The following ERO1A variants were observed in gnomAD, a reference collection of about 807,000 sequenced individuals.
ERO1A encodes endoplasmic reticulum oxidoreductase 1 alpha, also known as ERO1-like protein alpha.
Under a neutral mutation model 76.9 loss-of-function variants are expected in ERO1A, and 49 were observed. The ratio of observed to expected loss-of-function variants is 0.64; its 90% confidence interval spans 0.51 to 0.81. ERO1A has a LOEUF of 0.81. ERO1A is among the 30% of genes least tolerant of loss of function. The pLI is 0.00. For synonymous variants in ERO1A, 174 were observed against 181.2 expected (o/e 0.96, Z 0.32); for missense variants, 448 against 542.1 (o/e 0.83, Z 1.72).
At chr14:52,689,773 TA>T (rs1297724936) in intron 1 of ERO1A, among the ~76,000 whole-genome samples, 2 of 151,792 alleles carry the variant, frequency 1.3e-5, no homozygotes, top group African/African-American at 4.8e-5. Context: ...TTCACAAAAA[TA>T]GAAAAAAAAA....
chr14:52,681,809 A>AG (rs1216497806), intron 3 of ERO1A, among the ~76,000 whole-genome samples: 1 of 152,098 alleles, frequency 6.6e-6, no homozygotes. Context: ...CCGAAAAAAG[A>AG]GGGGGGGAAT....
Position 52,646,431 on chromosome 14 carries a change from A to G in ERO1A, c.1156T>C (p.Ser386Pro), listed in dbSNP as rs1190090432. ...EDFRLHFRNI[S>P]RIMDCVGCFK... is the part of the protein sequence containing the mutation. The stretch of plus-strand genomic sequence containing the variant: ...CAACCAACACAATCCATAATTCTTG[A>G]AATATTTCTAAAATGCAGTCGAAAG... The change falls in exon 14 of 16, where the codon TCA (serine) becomes CCA (proline). Residue 386 changes from serine (S) to proline (P), a missense_variant. This residue lies in a region of ERO1A where 302 missense variants were observed against 411.9 expected (regional missense o/e 0.73). Coordinates refer to ENST00000395686, the MANE Select transcript of ERO1A (RefSeq NM_014584.3). 1 of 1,612,660 alleles carries G rather than the reference A, an allele frequency of 6.2e-7. No homozygotes were observed. The highest frequency in any genetic ancestry group is 1.1e-5 in the South Asian group (1 of 90,592).
At chr14:52,650,031 A>T (rs1172989737) in intron 13 of ERO1A, among the ~76,000 whole-genome samples, 1 of 152,124 alleles carries the variant, frequency 6.6e-6, no homozygotes, top group Non-Finnish European at 1.5e-5. Context: ...AGCCTGGGCA[A>T]CATAGTGAGA....
intron 6 of ERO1A, among the ~76,000 whole-genome samples, chr14:52,670,345 T>G (rs568331283): frequency 6.6e-6 from 1 of 152,224 alleles, no homozygotes; most frequent in African/African-American, 2.4e-5. Context: ...AAAGGAAGAA[T>G]TGGAAAATCT....
At chr14:52,652,584 G>C (rs957060643) in intron 12 of ERO1A, among the ~76,000 whole-genome samples, 9 of 152,098 alleles carry the variant, frequency 5.9e-5, no homozygotes, top group African/African-American at 2.2e-4. Flanking sequence ...AAAAATGTGT[G>C]CCTCTCAGTA....
chr14:52,650,019 C>G (rs1048414707), intron 13 of ERO1A, among the ~76,000 whole-genome samples: 6 of 152,008 alleles, frequency 3.9e-5, no homozygotes, highest in African/African-American at 1.5e-4. Flanking sequence ...GAATTCAAGA[C>G]CAGCCTGGGC....
In ERO1A at chr14:52,653,107, T is replaced by G; in HGVS notation, c.1017A>C (p.Glu339Asp). 6.3e-7 allele frequency: 1 copy of G among 1,581,768 alleles called. No individual in the cohort carries two copies. Among genetic ancestry groups the G allele is most frequent in the Non-Finnish European group, 8.7e-7 (1 of 1,150,788 alleles). The change falls in exon 12 of 16, where the codon GAA (glutamate) becomes GAC (aspartate). Residue 339 changes from glutamate (E) to aspartate (D), a missense_variant. By Grantham distance (45) the Glu-to-Asp change is conservative. Transcript: ENST00000395686. ...GTATTTCCAGAAGTAACATTTTGTT[T>G]TCCTCATCCTGAATTTTATTTCCAG... The part of the protein sequence containing the change: ...LFTGNKIQDE[E>D]NKMLLLEILH...
chr14:52,662,597 C>A (rs1373601058), intron 8 of ERO1A, among the ~76,000 whole-genome samples: 1 of 152,204 alleles, frequency 6.6e-6, no homozygotes, highest in African/African-American at 2.4e-5. Flanking sequence ...TGAACTCATA[C>A]ACTGAAATGG....
At chr14:52,678,375 A>G in intron 4 of ERO1A, 59 bp downstream of exon 4, 3 of 1,410,508 alleles carry the variant, frequency 2.1e-6, no homozygotes, top group Non-Finnish European at 3.0e-6. Flanking sequence ...TACAACGGAA[A>G]TGGGTTTTTC....
At chr14:52,651,295 A>G (rs1397266933) in intron 13 of ERO1A, among the ~76,000 whole-genome samples, 1 of 152,072 alleles carries the variant, frequency 6.6e-6, no homozygotes, top group Admixed American at 6.6e-5. Context: ...CTCAATAATA[A>G]TAAAAAAAGA....
rs2039445743 is a variant in ERO1A, at chr14:52,640,848, T to A, written c.*2722A>T. On this transcript the variant is annotated 3_prime_UTR_variant, in exon 16 of 16. Coordinates refer to ENST00000395686, the MANE Select transcript of ERO1A (RefSeq NM_014584.3). ...AGTAGGTTTTGCAGAGAATGAATGT[T>A]TTAAGACACACACAGGTGTCTCTGG... 2 of 152,118 alleles carry A rather than the reference T, an allele frequency of 1.3e-5. No homozygotes were observed. Among genetic ancestry groups the A allele is most frequent in the Non-Finnish European group, 2.9e-5 (2 of 68,028 alleles). The allele number at this position is 152,118 out of a possible 1,614,324, so 9.4% of individuals were successfully genotyped here. A position where few individuals can be genotyped will look rare whatever the true frequency, so the allele number is the denominator to read the frequency against.
At chr14:52,671,579 T>G (rs977803969) in intron 6 of ERO1A, 51 bp downstream of exon 6, 1 of 1,361,784 alleles carries the variant, frequency 7.3e-7, no homozygotes, top group Non-Finnish European at 1.0e-6. Context: ...AAAACTTTTT[T>G]TTTCTTAGGT....
At chr14:52,653,031 C>T in intron 12 of ERO1A, 38 bp downstream of exon 12, 1 of 1,354,970 alleles carries the variant, frequency 7.4e-7, no homozygotes, top group Non-Finnish European at 1.0e-6. Flanking sequence ...TTAATTGTCA[C>T]TCTTCTATTA....
intron 13 of ERO1A, chr14:52,646,921 G>A (rs538642297): frequency 1.3e-5 from 2 of 150,880 alleles, no homozygotes; most frequent in South Asian, 4.2e-4. Flanking sequence ...GGAATGGAGG[G>A]AGGGAATGAG....
chr14:52,652,155 T>A (rs967651207), intron 13 of ERO1A, 84 bp downstream of exon 13: 12 of 838,046 alleles, frequency 1.4e-5, no homozygotes, highest in Non-Finnish European at 2.2e-5. Context: ...TATGGCCTAC[T>A]CTCTACTTCT....
At chr14:52,650,911 T>C (rs942276409) in intron 13 of ERO1A, among the ~76,000 whole-genome samples, 4 of 152,100 alleles carry the variant, frequency 2.6e-5, no homozygotes, top group Non-Finnish European at 5.9e-5. Flanking sequence ...TTCCGTGGGG[T>C]ATGGAATCTG....
chr14:52,663,347 C>T (rs2040289211), intron 8 of ERO1A, among the ~76,000 whole-genome samples: 1 of 151,966 alleles, frequency 6.6e-6, no homozygotes, highest in African/African-American at 2.4e-5. Flanking sequence ...CACCTGAAAT[C>T]CCAGCACTTT....
chr14:52,662,246 G>C lies in ERO1A; in HGVS notation c.677-942C>G, dbSNP rs538487636. On this transcript the variant is annotated intron_variant, in intron 8 of 15. Transcript: ENST00000395686. ...ATTACTTTATCAAATCATAATGTGA[G>C]ATCATAATGATCACCTCTTTTCTAT... Among the ~76,000 whole-genome samples the C allele has an allele frequency of 1.2e-4, 19 of 152,180 alleles. No individual in the cohort carries two copies. In the South Asian group the frequency reaches 3.9e-3, roughly 32 times the overall value.
chr14:52,689,129 A>G (rs2041272555), intron 1 of ERO1A, among the ~76,000 whole-genome samples: 1 of 151,812 alleles, frequency 6.6e-6, no homozygotes, highest in Admixed American at 6.6e-5. Context: ...CTAATTTTGT[A>G]TTTTAGCAGA....
Sources: allele counts gnomAD v4.1 joint callset (sites outside exome capture counted in the v4.1 genomes callset), GRCh38; gene constraint gnomAD v4.1.1; regional missense constraint gnomAD v4.1.1; transcripts MANE v1.5; gene names NCBI Gene and HGNC (gene_info 2026-07-23, HGNC 2026-07-21).